The following BCKDHB variants were observed in gnomAD, a reference collection of about 807,000 sequenced individuals.
The protein encoded by BCKDHB is branched chain keto acid dehydrogenase E1 subunit beta.
In BCKDHB, 41 loss-of-function variants were observed where a neutral mutation model predicts 48.5. The observed-to-expected ratio is 0.85, with a 90% CI of 0.66 to 1.10. The LOEUF is 1.10. BCKDHB is among the 50% of genes least tolerant of loss of function. The probability of loss-of-function intolerance (pLI) is 0.00; values close to 1 mark genes in which losing one functional copy is unlikely to be tolerated. For synonymous variants in BCKDHB, 201 were observed against 174.8 expected (o/e 1.15, Z -1.18); for missense variants, 496 against 494.2 (o/e 1.00, Z -0.03).
At chr6:80,331,676 G>A (rs193141612) in intron 9 of BCKDHB, among the ~76,000 whole-genome samples, 2 of 152,186 alleles carry the variant, frequency 1.3e-5, no homozygotes, top group Non-Finnish European at 2.9e-5. Flanking sequence ...CACTCACAGC[G>A]CAGGTTGATG....
At chr6:80,373,757 T>G in the BCKDHB span, among the ~76,000 whole-genome samples, 1 of 152,202 alleles carries the variant, frequency 6.6e-6, no homozygotes, top group South Asian at 2.1e-4. Flanking sequence ...CATTATGTAA[T>G]GTGCCTCTTT....
the BCKDHB span, among the ~76,000 whole-genome samples, chr6:80,423,132 T>C: frequency 6.6e-6 from 1 of 152,192 alleles, no homozygotes; most frequent in Non-Finnish European, 1.5e-5. Context: ...ATTCTTATGA[T>C]AGCAAGGAGT....
chr6:80,147,589 G>A (rs1337939252), intron 3 of BCKDHB, among the ~76,000 whole-genome samples: 3 of 152,116 alleles, frequency 2.0e-5, no homozygotes, highest in African/African-American at 7.2e-5. Context: ...TAGAGAAGCT[G>A]AGACTAAAAG....
At chr6:80,295,454 C>G (rs776508039) in intron 9 of BCKDHB, among the ~76,000 whole-genome samples, 1 of 151,954 alleles carries the variant, frequency 6.6e-6, no homozygotes. Flanking sequence ...TATCACAGAA[C>G]AGCATGGAAA....
chr6:80,202,400 G>A (rs909794508), intron 7 of BCKDHB, among the ~76,000 whole-genome samples: 5 of 151,960 alleles, frequency 3.3e-5, no homozygotes, highest in African/African-American at 4.8e-5. Context: ...CCTTAAATAC[G>A]ATTATGTCTC....
chr6:80,196,089 C>T (rs965215853), intron 6 of BCKDHB, among the ~76,000 whole-genome samples: 2 of 152,138 alleles, frequency 1.3e-5, no homozygotes, highest in Non-Finnish European at 2.9e-5. Context: ...GTGTGCTTCA[C>T]AGGGAAACTT....
intron 8 of BCKDHB, among the ~76,000 whole-genome samples, chr6:80,231,013 A>G (rs182926622): frequency 6.6e-5 from 10 of 152,348 alleles, no homozygotes; most frequent in African/African-American, 2.4e-4. Flanking sequence ...TAATAAATAA[A>G]TCAGTGGATG....
intron 8 of BCKDHB, among the ~76,000 whole-genome samples, chr6:80,257,481 G>A (rs1433717642): frequency 6.6e-6 from 1 of 150,614 alleles, no homozygotes. Context: ...TAATGTAACA[G>A]TATAAGTATC....
At chr6:80,251,376 G>A (rs971459313) in intron 8 of BCKDHB, among the ~76,000 whole-genome samples, 7 of 152,178 alleles carry the variant, frequency 4.6e-5, no homozygotes, top group African/African-American at 1.4e-4. Flanking sequence ...AAAGCATCCT[G>A]TTCAAGGTTG....
chr6:80,108,374 C>T (rs1283435209), intron 1 of BCKDHB, among the ~76,000 whole-genome samples: 1 of 148,186 alleles, frequency 6.7e-6, no homozygotes, highest in Non-Finnish European at 1.5e-5. Context: ...ATTCTGTCTT[C>T]AAAGCAAAGA....
the BCKDHB span, among the ~76,000 whole-genome samples, chr6:80,359,409 G>A: frequency 6.6e-6 from 1 of 152,174 alleles, no homozygotes; most frequent in African/African-American, 2.4e-5. Flanking sequence ...TTCCCGTGGT[G>A]AACTGGGACT....
chr6:80,450,819 GTAATCATC>G, the BCKDHB span, among the ~76,000 whole-genome samples: 2 of 152,022 alleles, frequency 1.3e-5, no homozygotes, highest in African/African-American at 4.8e-5. Flanking sequence ...GATTCACAGG[GTAATCATC>G]TCTAGTCTTC....
chr6:80,307,169 C>G (rs1767923510), intron 9 of BCKDHB, among the ~76,000 whole-genome samples: 1 of 152,122 alleles, frequency 6.6e-6, no homozygotes, highest in South Asian at 2.1e-4. Context: ...TTTATTTAAT[C>G]ATACAGACTG....
chr6:80,358,666 A>G, the BCKDHB span, among the ~76,000 whole-genome samples: 1 of 152,232 alleles, frequency 6.6e-6, no homozygotes, highest in African/African-American at 2.4e-5. Flanking sequence ...AAATATCTAG[A>G]ATAGATACAT....
intron 9 of BCKDHB, among the ~76,000 whole-genome samples, chr6:80,316,123 A>G (rs1768433379): frequency 6.6e-6 from 1 of 152,232 alleles, no homozygotes; most frequent in Non-Finnish European, 1.5e-5. Flanking sequence ...AAACAGTGAA[A>G]ATAACTGGTA....
intron 8 of BCKDHB, 40 bp from the exon 9 acceptor site, chr6:80,273,095 G>C: frequency 7.0e-7 from 1 of 1,435,470 alleles, no homozygotes; most frequent in South Asian, 1.2e-5. Context: ...ATATAAAATA[G>C]ATATTCTTTT....
intron 9 of BCKDHB, among the ~76,000 whole-genome samples, chr6:80,302,709 A>G (rs1396061151): frequency 2.6e-5 from 4 of 152,158 alleles, no homozygotes; most frequent in Non-Finnish European, 4.4e-5. Flanking sequence ...AGTTATTTCT[A>G]TCGATTGCAC....
chr6:80,154,557 T>G (rs1173208786), intron 3 of BCKDHB, among the ~76,000 whole-genome samples: 1 of 152,142 alleles, frequency 6.6e-6, no homozygotes, highest in African/African-American at 2.4e-5. Context: ...ATGTTCCATA[T>G]TTTTAGTAGT....
At chr6:80,213,160 T>TAAAAAAGTTTAA (rs1775016875) in intron 8 of BCKDHB, among the ~76,000 whole-genome samples, 1 of 152,156 alleles carries the variant, frequency 6.6e-6, no homozygotes, top group Non-Finnish European at 1.5e-5. Context: ...TTGGTGCTCA[T>TAAAAAAGTTTAA]AAAAAAGTTT....
Sources: allele counts gnomAD v4.1 joint callset (sites outside exome capture counted in the v4.1 genomes callset), GRCh38; gene constraint gnomAD v4.1.1; transcripts MANE v1.5; gene names NCBI Gene and HGNC (gene_info 2026-07-23, HGNC 2026-07-21).